Variants in GPC3 observed in about 807,000 individuals in gnomAD.
GPC3 encodes glypican-3.
In GPC3, 3 loss-of-function variants were observed where a neutral mutation model predicts 34.4. That is an observed-to-expected ratio of 0.09 (90% CI 0.04 to 0.23). GPC3 has a LOEUF of 0.23. Among genes scored for constraint, GPC3 ranks in the 10% least tolerant of loss-of-function variants. GPC3 has a pLI of 1.00. For missense variants in GPC3, 351 were observed against 445.6 expected (o/e 0.79, Z 1.91); for synonymous variants, 177 against 174.0 (o/e 1.02, Z -0.13).
intron 5 of GPC3, among the ~76,000 whole-genome samples, chrX:133,683,809 G>A (rs995192836): frequency 3.6e-5 from 4 of 111,893 alleles, no homozygotes; most frequent in Non-Finnish European, 5.6e-5. Flanking sequence ...AATCTTAAGG[G>A]ATAAATGTTA....
At chrX:133,933,201 C>T (rs767727272) in intron 2 of GPC3, among the ~76,000 whole-genome samples, 4 of 110,742 alleles carry the variant, frequency 3.6e-5, no homozygotes, top group East Asian at 2.9e-4. Flanking sequence ...GAACTCAAAA[C>T]GGACCCTTGA....
chrX:133,616,150 T>A (rs1447577345), intron 6 of GPC3, among the ~76,000 whole-genome samples: 3 of 111,944 alleles, frequency 2.7e-5, no homozygotes, highest in Non-Finnish European at 3.8e-5. Flanking sequence ...AATTTTAAGT[T>A]ATTCAGAAAA....
intron 3 of GPC3, among the ~76,000 whole-genome samples, chrX:133,721,462 A>T (rs1275353233): frequency 9.0e-6 from 1 of 111,508 alleles, no homozygotes; most frequent in African/African-American, 3.2e-5. Context: ...GAAATAGAAA[A>T]TGAATAGATT....
chrX:133,555,957 A>G (rs1387923701), intron 7 of GPC3, among the ~76,000 whole-genome samples: 1 of 111,601 alleles, frequency 9.0e-6, no homozygotes, highest in East Asian at 2.8e-4. Context: ...CTGTTGCCCA[A>G]TCCAGAAACC....
Position 133,706,128 on chromosome X carries a change from G to T in GPC3, c.1033-6100C>A, listed in dbSNP as rs779846581. Among the ~76,000 whole-genome samples the T allele has an allele frequency of 9.8e-5, 11 of 112,063 alleles. No individual in the cohort carries two copies. The South Asian group carries it at 4.1e-3, about 42-fold the overall frequency. ...CTCCCTATTCAATAAATGGTGCTAG[G>T]ATAAATGGCTAGCCATATGCAAAAG... is the stretch of plus-strand genomic sequence containing the variant. On this transcript the variant is annotated intron_variant, in intron 3 of 7. Transcript: ENST00000370818.
At chrX:133,787,299 C>G (rs2072110737) in intron 2 of GPC3, among the ~76,000 whole-genome samples, 1 of 112,084 alleles carries the variant, frequency 8.9e-6, no homozygotes. Flanking sequence ...ATTTTTTTCC[C>G]TCTCGCTCAT....
chrX:133,653,531 C>T (rs781292633), intron 6 of GPC3, among the ~76,000 whole-genome samples: 37 of 111,319 alleles, frequency 3.3e-4, no homozygotes, highest in Non-Finnish European at 6.4e-4. Flanking sequence ...AGAACAGGAG[C>T]CTGAGTCAGA....
Position 133,687,383 on chromosome X carries a change from G to GTTT in GPC3, c.1292+4983_1292+4985dup, listed in dbSNP as rs1189478107. Among the ~76,000 whole-genome samples, 24 of 50,213 alleles carry GTTT rather than the reference G, an allele frequency of 4.8e-4. 1 individual carries two copies. The highest frequency in any genetic ancestry group is 7.8e-4 in the Non-Finnish European group (20 of 25,706). The allele number at this position is 50,213 out of a possible 115,157, so 43.6% of individuals were successfully genotyped here. On this transcript the variant is annotated intron_variant, in intron 5 of 7. Transcript: ENST00000370818. The stretch of plus-strand genomic sequence containing the variant: ...TGTGGAATGAGCCTGAATTATCAGA[G>GTTT]TTTTTTTTTTTTTTTTTTTTTTTTT...
At chrX:133,654,254 T>C (rs899068000) in intron 6 of GPC3, among the ~76,000 whole-genome samples, 2 of 110,642 alleles carry the variant, frequency 1.8e-5, no homozygotes, top group African/African-American at 6.6e-5. Flanking sequence ...ACTTAGGGAG[T>C]TTACAGTCTA....
chrX:133,968,170 TGAC>T (rs2076472643), intron 1 of GPC3, among the ~76,000 whole-genome samples: 1 of 112,450 alleles, frequency 8.9e-6, no homozygotes, highest in African/African-American at 3.2e-5. Flanking sequence ...GCTGCCTTCG[TGAC>T]GTAGCATTCC....
At chrX:133,869,691 T>C (rs750128059) in intron 2 of GPC3, among the ~76,000 whole-genome samples, 3 of 112,368 alleles carry the variant, frequency 2.7e-5, no homozygotes, top group Non-Finnish European at 5.6e-5. Context: ...CTTACACCTG[T>C]AATCCCAGCA....
intron 5 of GPC3, among the ~76,000 whole-genome samples, chrX:133,662,863 T>C (rs1244390380): frequency 9.0e-6 from 1 of 111,164 alleles, no homozygotes; most frequent in African/African-American, 3.3e-5. Context: ...TCTCATTATA[T>C]ACTTTTTTTT....
At chrX:133,944,669 T>C (rs1448844834) in intron 2 of GPC3, among the ~76,000 whole-genome samples, 2 of 112,323 alleles carry the variant, frequency 1.8e-5, no homozygotes, top group Non-Finnish European at 3.8e-5. Context: ...TTAATTATAT[T>C]AAAACATAAA....
At chrX:133,618,878 A>T (rs1858730719) in intron 6 of GPC3, among the ~76,000 whole-genome samples, 1 of 111,569 alleles carries the variant, frequency 9.0e-6, no homozygotes, top group South Asian at 3.8e-4. Flanking sequence ...GAATCAAAAG[A>T]TACCATCAAA....
At chrX:133,538,978 C>T (rs1467359241) in intron 7 of GPC3, among the ~76,000 whole-genome samples, 1 of 104,608 alleles carries the variant, frequency 9.6e-6, no homozygotes, top group Non-Finnish European at 2.0e-5. Flanking sequence ...ACCTCGGCCT[C>T]CCAAAATTCT....
chrX:133,616,114 C>T (rs2070159857), intron 6 of GPC3, among the ~76,000 whole-genome samples: 1 of 111,572 alleles, frequency 9.0e-6, no homozygotes, highest in Admixed American at 9.5e-5. Context: ...ATCATATTGA[C>T]AAGTAACACG....
At chrX:133,774,559 A>G (rs888498169) in intron 2 of GPC3, among the ~76,000 whole-genome samples, 1 of 111,389 alleles carries the variant, frequency 9.0e-6, no homozygotes, top group Non-Finnish European at 1.9e-5. Flanking sequence ...TTATGGCATC[A>G]TGTTAAAATA....
chrX:133,752,074 C>T (rs2071672826), intron 3 of GPC3, among the ~76,000 whole-genome samples: 1 of 109,972 alleles, frequency 9.1e-6, no homozygotes, highest in Non-Finnish European at 1.9e-5. Context: ...CTGTACGTTG[C>T]CCAGACTGGT....
At chrX:133,814,756 C>T (rs972317703) in intron 2 of GPC3, among the ~76,000 whole-genome samples, 118 of 110,209 alleles carry the variant, frequency 1.1e-3, no homozygotes, top group Middle Eastern at 4.6e-3. Flanking sequence ...TTAGTAGAGA[C>T]GGGGTTTCAC....
Sources: gnomAD v4.1 joint callset for allele counts (sites outside exome capture counted in the v4.1 genomes callset) on GRCh38, gnomAD v4.1.1 for gene constraint, MANE v1.5 for transcripts, NCBI Gene and HGNC (gene_info 2026-07-23, HGNC 2026-07-21) for gene names.